DLG5: variants seen among roughly 807,000 people sequenced by gnomAD.
DLG5 encodes discs large MAGUK scaffold protein 5.
DLG5 carries 48 observed loss-of-function variants against 189.8 expected under a neutral mutation model. The observed-to-expected ratio is 0.25, with a 90% confidence interval of 0.20 to 0.32. The LOEUF (loss-of-function observed/expected upper bound fraction) is 0.32, where lower values mean the gene tolerates loss of function less well. Among genes scored for constraint, DLG5 ranks in the 10% least tolerant of loss-of-function variants. The pLI, the probability that DLG5 is intolerant of heterozygous loss-of-function variation, is 1.00. For missense variants in DLG5, 2,160 were observed against 2,544.7 expected (o/e 0.85, Z 3.25); for synonymous variants, 1,016 against 1,054.1 (o/e 0.96, Z 0.70).
intron 1 of DLG5, among the ~76,000 whole-genome samples, chr10:77,910,337 C>T (rs1379427693): frequency 6.6e-6 from 1 of 152,160 alleles, no homozygotes; most frequent in East Asian, 1.9e-4. Context: ...CTCTACTGGC[C>T]GAGTGTGCCC....
At chr10:77,804,938 G>A (rs1841395762) in intron 27 of DLG5, among the ~76,000 whole-genome samples, 1 of 152,102 alleles carries the variant, frequency 6.6e-6, no homozygotes, top group Non-Finnish European at 1.5e-5. Flanking sequence ...CTCTTACTGA[G>A]GCCAGCAATG....
chr10:77,926,569 C>T lies in DLG5; in HGVS notation c.-49G>A, dbSNP rs1306271415. The T allele has an allele frequency of 8.3e-7, 1 of 1,203,080 alleles. No individual in the cohort carries two copies. The highest frequency in any genetic ancestry group is 1.0e-6 in the Non-Finnish European group (1 of 970,148). 74.5% of individuals were successfully genotyped at this position (1,203,080 alleles called of 1,614,324 possible). On this transcript the variant is annotated 5_prime_UTR_variant, in exon 1 of 32. Coordinates refer to ENST00000372391, the MANE Select transcript of DLG5 (RefSeq NM_004747.4). This position sits in a 1 kb window ranked among gnomAD's most constrained non-coding sequence, Gnocchi z 5.2. ...CCCGCCGGACGCCTCCCGGGCCCCC[C>T]GAGGCCGGCGGGCGGGCAGGCGAGC...
chr10:77,809,304 G>C (rs1841637610), intron 24 of DLG5, among the ~76,000 whole-genome samples: 1 of 152,110 alleles, frequency 6.6e-6, no homozygotes, highest in Non-Finnish European at 1.5e-5. Context: ...TACTCGGAAG[G>C]CTGAGGCAGG....
intron 27 of DLG5, among the ~76,000 whole-genome samples, chr10:77,798,449 C>T (rs1299347019): frequency 6.6e-6 from 1 of 152,140 alleles, no homozygotes; most frequent in Non-Finnish European, 1.5e-5. Flanking sequence ...ACGGATAAGG[C>T]CAGCACTCCT....
At chr10:77,922,350 G>C (rs1012625062) in intron 1 of DLG5, among the ~76,000 whole-genome samples, 12 of 152,114 alleles carry the variant, frequency 7.9e-5, no homozygotes, top group African/African-American at 2.4e-4. Context: ...GACTGCATGG[G>C]GCTCCAAGTG....
intron 1 of DLG5, among the ~76,000 whole-genome samples, chr10:77,896,792 C>T (rs1188236212): frequency 6.6e-6 from 1 of 151,406 alleles, no homozygotes; most frequent in Non-Finnish European, 1.5e-5. Context: ...GCACTCCAGC[C>T]TGGGCCACAA....
chr10:77,886,084 T>A (rs116293146), intron 1 of DLG5, among the ~76,000 whole-genome samples: 2,708 of 152,252 alleles, frequency 0.018, 86 homozygotes, highest in African/African-American at 0.061. Context: ...TGGCTGTTCA[T>A]CAGAATCATC....
At chr10:77,861,526 C>G (rs1844470394) in intron 2 of DLG5, among the ~76,000 whole-genome samples, 4 of 152,214 alleles carry the variant, frequency 2.6e-5, no homozygotes, top group Admixed American at 2.6e-4. Flanking sequence ...CCATCTCTGT[C>G]TCCAGACGTC....
In DLG5 at chr10:77,926,114, C is replaced by T. The variant is rs1846682140; in HGVS notation, c.304+103G>A. 4 of 1,214,584 alleles carry T rather than the reference C, an allele frequency of 3.3e-6. No individual in the cohort carries two copies. Among genetic ancestry groups the T allele is most frequent in the South Asian group, 2.7e-5 (1 of 36,584 alleles). The allele number at this position is 1,214,584 out of a possible 1,614,324, so 75.2% of individuals were successfully genotyped here. A position where few individuals can be genotyped will look rare whatever the true frequency, so the allele number is the denominator to read the frequency against. ...GCCAGAGGAGCGAGTCCACCGAGGC[C>T]ATCGCCAGGTGGAGCGGCGGCCCCG... On this transcript the variant is annotated intron_variant, in intron 1 of 31. Transcript: ENST00000372391. The surrounding 1 kb of genome is among the most constrained non-coding windows in gnomAD (Gnocchi z 5.2).
At chr10:77,910,958 T>G (rs1846201597) in intron 1 of DLG5, among the ~76,000 whole-genome samples, 2 of 135,902 alleles carry the variant, frequency 1.5e-5, no homozygotes, top group Admixed American at 1.7e-4. Context: ...GAGTGCAGCC[T>G]GTGTGACAGA....
At chr10:77,894,934 C>T (rs1845714497) in intron 1 of DLG5, among the ~76,000 whole-genome samples, 1 of 152,222 alleles carries the variant, frequency 6.6e-6, no homozygotes, top group African/African-American at 2.4e-5. Context: ...CCCAGCACAG[C>T]GGTCTTGAGG....
intron 1 of DLG5, among the ~76,000 whole-genome samples, chr10:77,883,587 A>G (rs74949490): frequency 0.036 from 5,472 of 152,184 alleles, 328 homozygotes; most frequent in African/African-American, 0.13. Flanking sequence ...AGAAAAAAAC[A>G]TAAGACTCAA....
chr10:77,936,446 C>CA, the DLG5 span, among the ~76,000 whole-genome samples: 131 of 52,124 alleles, frequency 2.5e-3, no homozygotes, highest in South Asian at 6.4e-3. Flanking sequence ...CAAAACAAAA[C>CA]AAAAAAAAAA....
At chr10:77,833,862 C>A (rs1189602120) in intron 9 of DLG5, 52 bp downstream of exon 9, 19 of 1,591,522 alleles carry the variant, frequency 1.2e-5, no homozygotes, top group Non-Finnish European at 1.5e-5. Flanking sequence ...GGGAGAGGGG[C>A]CCCAGGCTCC....
At chr10:77,863,516 G>A (rs1406862636) in intron 2 of DLG5, among the ~76,000 whole-genome samples, 1 of 152,186 alleles carries the variant, frequency 6.6e-6, no homozygotes, top group Non-Finnish European at 1.5e-5. Context: ...GTTATTTACA[G>A]TAAACTTTTT....
In DLG5 at chr10:77,819,398, A is replaced by G. The variant is rs978956433; in HGVS notation, c.3594T>C (p.Thr1198=). 3.1e-6 allele frequency: 5 copies of G among 1,614,100 alleles called. No individual in the cohort carries two copies. Residue 1198 remains threonine (T), a synonymous_variant, in exon 17 of 32, where the codon ACT becomes ACC. Coordinates refer to ENST00000372391, the MANE Select transcript of DLG5 (RefSeq NM_004747.4). ...VSSILRNPIY[T]VRSHRVGPCS... is the part of the protein sequence containing the mutation. Reference sequence around the variant, plus strand: ...AGGGGCCGACCCTGTGACTGCGCACAGTGTAGATGGGGTTCCGCAGGATGG... The same window carrying G: ...AGGGGCCGACCCTGTGACTGCGCACGGTGTAGATGGGGTTCCGCAGGATGG...
In DLG5 at chr10:77,830,214, T is replaced by C; in HGVS notation, c.2009+3A>G. On this transcript the variant is annotated splice_donor_region_variant and intron_variant, in intron 11 of 31. Transcript: ENST00000372391. The stretch of plus-strand genomic sequence containing the variant: ...CCTCCAGAGCCTGGGCCTCAACTCT[T>C]ACCTTAAGCGGCCATCAGCAATGCT... The C allele has an allele frequency of 6.2e-7, 1 of 1,614,070 alleles. No individual in the cohort carries two copies. Among genetic ancestry groups the C allele is most frequent in the Non-Finnish European group, 8.5e-7 (1 of 1,180,032 alleles).
rs1480232228 is a variant in DLG5 at position 77,796,475 on chromosome 10, C to A, written c.5284G>T (p.Gly1762Cys). 1 of 1,614,196 alleles carries A rather than the reference C, an allele frequency of 6.2e-7. No homozygotes were observed. Residue 1762 changes from glycine to cysteine, a missense_variant, in exon 28 of 32, where the codon GGC becomes TGC. This residue lies in a region of DLG5 where 574 missense variants were observed against 644.2 expected (regional missense o/e 0.89). Transcript: ENST00000372391. This position sits in a 1 kb window ranked among gnomAD's most constrained non-coding sequence, Gnocchi z 5.2. ...VKEMLVNEAPGKFCRCPLEVM... is the reference protein window; with the variant it reads ...VKEMLVNEAPCKFCRCPLEVM... Reference sequence around the variant, plus strand: ...CCAAGGGGACATCTGCAGAACTTGCCAGGAGCCTCATTCACCAGCATCTCC... The same window carrying A: ...CCAAGGGGACATCTGCAGAACTTGCAAGGAGCCTCATTCACCAGCATCTCC...
chr10:77,879,134 G>A (rs1000970108), intron 1 of DLG5, among the ~76,000 whole-genome samples: 4 of 152,202 alleles, frequency 2.6e-5, no homozygotes, highest in African/African-American at 9.7e-5. Flanking sequence ...TAAATGGTAG[G>A]TGGTGGGGGT....
Sources: gnomAD v4.1 joint callset for allele counts (sites outside exome capture counted in the v4.1 genomes callset) on GRCh38, gnomAD v4.1.1 for gene constraint, gnomAD v4.1.1 regional missense constraint, Gnocchi (gnomAD v3.1) non-coding constraint, MANE v1.5 for transcripts, NCBI Gene and HGNC (gene_info 2026-07-23, HGNC 2026-07-21) for gene names.